LRRC56: variants seen among roughly 807,000 people sequenced by gnomAD.
The protein encoded by LRRC56 is leucine rich repeat containing 56.
LRRC56 carries 41 observed loss-of-function variants against 47.8 expected under a neutral mutation model. That is an observed-to-expected ratio of 0.86 (90% confidence interval 0.67 to 1.11). The LOEUF is 1.11. Among genes scored for constraint, LRRC56 ranks in the 50% most tolerant of loss-of-function variants. LRRC56 has a pLI of 0.00. For synonymous variants in LRRC56, 387 were observed against 311.2 expected, an observed-to-expected ratio of 1.24 and a Z score of -2.56; for missense variants, 759 against 704.2, an observed-to-expected ratio of 1.08 and a Z score of -0.88.
chr11:535,328 C>A (rs112334292), upstream of LRRC56: 145 of 146,528 alleles, frequency 9.9e-4, no homozygotes, highest in Non-Finnish European at 1.8e-3. Context: ...CGCCCGCCGG[C>A]CCCGCGCCCC....
upstream of LRRC56, chr11:533,743 C>T (rs375166344): frequency 1.1e-5 from 18 of 1,612,860 alleles, no homozygotes; most frequent in African/African-American, 9.3e-5. Context: ...CGTGGGCTCC[C>T]GGGCCAGCCT....
At chr11:530,480 TGGCGTCCCCTGG>T in the LRRC56 span, among the ~76,000 whole-genome samples, 1 of 141,104 alleles carries the variant, frequency 7.1e-6, no homozygotes, top group African/African-American at 2.7e-5. Context: ...AGGGCGAGTG[TGGCGTCCCCTGG>T]AGAGAAGGGC....
chr11:535,522 G>A (rs1851441754), upstream of LRRC56: 1 of 148,014 alleles, frequency 6.8e-6, no homozygotes, highest in Non-Finnish European at 1.5e-5. Context: ...GTCCGCGGCG[G>A]GTGCGGCTCG....
At chr11:518,503 A>G in the LRRC56 span, among the ~76,000 whole-genome samples, 1 of 151,278 alleles carries the variant, frequency 6.6e-6, no homozygotes, top group Non-Finnish European at 1.5e-5. Flanking sequence ...TTTTTTTTGT[A>G]TTGTTGGTAG....
In LRRC56 at chr11:553,907, G is replaced by C. The variant is rs531580084; in HGVS notation, c.1316-56G>C. On this transcript the variant is annotated intron_variant, in intron 13 of 13. Transcript: ENST00000270115. ...GGGTGGGCTGTGGCCTCCCCACCGG[G>C]TGACTCCCTTCCCTGACAGCCTTTC... 1.9e-6 allele frequency: 3 copies of C among 1,540,970 alleles called. No individual in the cohort carries two copies. The African/African-American group carries it at 4.1e-5, about 21-fold the overall frequency.
chr11:539,314 TG>T (rs1010156026), intron 2 of LRRC56, among the ~76,000 whole-genome samples: 20 of 151,680 alleles, frequency 1.3e-4, no homozygotes, highest in African/African-American at 4.8e-4. Flanking sequence ...CTTGATCTCC[TG>T]ATCTTGTGAT....
intron 13 of LRRC56, among the ~76,000 whole-genome samples, chr11:553,202 C>T (rs1852516254): frequency 6.6e-6 from 1 of 152,232 alleles, no homozygotes; most frequent in Admixed American, 6.5e-5. Flanking sequence ...CCATGCAGTG[C>T]CCTTTACGAA....
At chr11:534,681 C>T (rs1851346408), upstream of LRRC56, 1 of 369,422 alleles carries the variant, frequency 2.7e-6, no homozygotes, top group Non-Finnish European at 5.1e-6. Context: ...GGCAGAAAGG[C>T]TAAAGGGAGG....
rs371711502 is a variant in LRRC56, at chr11:550,170, C to G, written c.522C>G (p.Asp174Glu). Residue 174 changes from aspartate (D) to glutamate (E), a missense_variant, in exon 8 of 14, where the codon GAC (aspartate) becomes GAG (glutamate). Asp to Glu is a conservative substitution (Grantham distance 45). Coordinates refer to ENST00000270115, the MANE Select transcript of LRRC56 (RefSeq NM_198075.4). ...VLDLEGNSVEDLGQVRYLQLC... is the reference protein window; with the variant it reads ...VLDLEGNSVEELGQVRYLQLC... ...ACCTGGAGGGCAACAGCGTGGAGGACCTGGGGCAGGTGCGCTACTTGCAGC... is the reference window on the plus strand; with the variant it reads ...ACCTGGAGGGCAACAGCGTGGAGGAGCTGGGGCAGGTGCGCTACTTGCAGC... 6.2e-7 allele frequency: 1 copy of G among 1,613,194 alleles called. No individual in the cohort carries two copies. The highest frequency in any genetic ancestry group is 1.3e-5 in the African/African-American group (1 of 74,914).
At chr11:542,580 CAAAAAAAAAAA>C in intron 5 of LRRC56, among the ~76,000 whole-genome samples, 2 of 26,000 alleles carry the variant, frequency 7.7e-5, no homozygotes, top group East Asian at 1.1e-3. Flanking sequence ...AACCCTGTCG[CAAAAAAAAAAA>C]AAAAAAAAAA....
chr11:552,733 C>T, intron 13 of LRRC56, 31 bp downstream of exon 13: 1 of 1,569,572 alleles, frequency 6.4e-7, no homozygotes, highest in Non-Finnish European at 8.6e-7. Flanking sequence ...CCCCCCAGTG[C>T]CTGGGAGTGA....
At chr11:534,833 C>T (rs1224078017), upstream of LRRC56, among the ~76,000 whole-genome samples, 1 of 152,198 alleles carries the variant, frequency 6.6e-6, no homozygotes, top group Non-Finnish European at 1.5e-5. Context: ...GCGCCTACTG[C>T]GTACTAGGCG....
At chr11:517,671 G>A in the LRRC56 span, among the ~76,000 whole-genome samples, 3 of 152,264 alleles carry the variant, frequency 2.0e-5, no homozygotes, top group Admixed American at 6.5e-5. Flanking sequence ...CAGCTCCAAA[G>A]AGACAGCGAC....
chr11:509,632 C>G, the LRRC56 span, among the ~76,000 whole-genome samples: 1 of 152,072 alleles, frequency 6.6e-6, no homozygotes, highest in Admixed American at 6.6e-5. Flanking sequence ...ACTGTAAGCT[C>G]CGCCTCCCAG....
chr11:535,544 C>CAGGGCACGGGCGG (rs1287261051), upstream of LRRC56: 1 of 148,438 alleles, frequency 6.7e-6, no homozygotes, highest in Non-Finnish European at 1.5e-5. Context: ...GTTGCGGGCG[C>CAGGGCACGGGCGG]AGGGCACGGG....
chr11:539,123 C>T (rs1851659511), intron 2 of LRRC56, among the ~76,000 whole-genome samples: 1 of 152,228 alleles, frequency 6.6e-6, no homozygotes, highest in African/African-American at 2.4e-5. Flanking sequence ...CTCTGTCGCC[C>T]AGGCTGGAGT....
chr11:550,356 C>T, intron 8 of LRRC56, 84 bp downstream of exon 8: 2 of 1,326,734 alleles, frequency 1.5e-6, no homozygotes, highest in Non-Finnish European at 2.0e-6. Flanking sequence ...CTCCTCTGGC[C>T]AGGTACTTCT....
chr11:525,688 G>C, the LRRC56 span, among the ~76,000 whole-genome samples: 3 of 152,084 alleles, frequency 2.0e-5, no homozygotes, highest in East Asian at 5.8e-4. Context: ...TTGAGGCCAG[G>C]AGTTTGAGAC....
the LRRC56 span, among the ~76,000 whole-genome samples, chr11:521,832 G>C: frequency 0.056 from 8,431 of 151,618 alleles, 464 homozygotes; most frequent in East Asian, 0.28. Flanking sequence ...GGAGAATGGC[G>C]TGAACCTGGG....
Sources: allele counts gnomAD v4.1 joint callset (sites outside exome capture counted in the v4.1 genomes callset), GRCh38; gene constraint gnomAD v4.1.1; transcripts MANE v1.5; gene names NCBI Gene and HGNC (gene_info 2026-07-23, HGNC 2026-07-21).